Variants in MYO3B observed in about 807,000 individuals in gnomAD.
MYO3B encodes the protein myosin IIIB.
A neutral mutation model predicts 174.6 loss-of-function variants in MYO3B; 156 were observed. The observed-to-expected ratio is 0.89, with a 90% CI of 0.78 to 1.02. MYO3B has a LOEUF of 1.02. Ranked by LOEUF, MYO3B falls within the 50% of genes least tolerant of loss-of-function variation. The probability of loss-of-function intolerance (pLI) is 0.00; values close to 1 mark genes in which losing one functional copy is unlikely to be tolerated. For synonymous variants in MYO3B, 563 were observed against 569.1 expected (o/e 0.99, Z 0.15); for missense variants, 1,632 against 1,639.4 (o/e 1.00, Z 0.08).
chr2:170,612,817 C>T (rs1695204739), intron 32 of MYO3B, among the ~76,000 whole-genome samples: 1 of 152,172 alleles, frequency 6.6e-6, no homozygotes, highest in African/African-American at 2.4e-5. Flanking sequence ...TCAGGACAAG[C>T]AACCTTACTG....
chr2:170,332,102 G>C (rs1349031243), intron 7 of MYO3B: 1 of 152,154 alleles, frequency 6.6e-6, no homozygotes. Flanking sequence ...CCATTATTCT[G>C]CCTGCTTTAA....
intron 32 of MYO3B, among the ~76,000 whole-genome samples, chr2:170,564,977 C>T (rs1691970577): frequency 6.6e-6 from 1 of 152,008 alleles, no homozygotes; most frequent in Non-Finnish European, 1.5e-5. Flanking sequence ...ATTCTCTATT[C>T]TTTTGCTGCC....
At chr2:170,274,827 A>G (rs965906973) in intron 7 of MYO3B, among the ~76,000 whole-genome samples, 1 of 152,112 alleles carries the variant, frequency 6.6e-6, no homozygotes, top group Non-Finnish European at 1.5e-5. Flanking sequence ...GTAAAATAAT[A>G]TTTTCTCTAC....
intron 32 of MYO3B, among the ~76,000 whole-genome samples, chr2:170,608,300 A>T (rs1694936817): frequency 6.6e-6 from 1 of 152,218 alleles, no homozygotes; most frequent in Admixed American, 6.5e-5. Flanking sequence ...TTCTCTTTCT[A>T]CAAGATACAG....
At chr2:170,528,740 C>T (rs568864085) in intron 30 of MYO3B, among the ~76,000 whole-genome samples, 10 of 152,248 alleles carry the variant, frequency 6.6e-5, no homozygotes, top group African/African-American at 9.6e-5. Flanking sequence ...ATGCATCAGA[C>T]GACGATGGAC....
intron 8 of MYO3B, among the ~76,000 whole-genome samples, chr2:170,343,226 G>A (rs1403752351): frequency 6.6e-6 from 1 of 152,064 alleles, no homozygotes; most frequent in Non-Finnish European, 1.5e-5. Context: ...GATCACTTGA[G>A]ACCAGGAGTT....
chr2:170,378,726 G>A (rs1302442022), intron 9 of MYO3B, among the ~76,000 whole-genome samples: 6 of 152,136 alleles, frequency 3.9e-5, no homozygotes, highest in African/African-American at 1.4e-4. Flanking sequence ...CTACTAGACT[G>A]CATCTATTTG....
At chr2:170,211,540 A>C (rs1297881237) in intron 3 of MYO3B, among the ~76,000 whole-genome samples, 1 of 152,206 alleles carries the variant, frequency 6.6e-6, no homozygotes, top group Non-Finnish European at 1.5e-5. Flanking sequence ...AGGGTAAGCA[A>C]TTCTTACAAA....
chr2:170,266,372 C>T (rs1480393854), intron 7 of MYO3B, among the ~76,000 whole-genome samples: 2 of 152,212 alleles, frequency 1.3e-5, no homozygotes, highest in East Asian at 3.9e-4. Context: ...CTAAGTTAAA[C>T]AAATGCATTT....
chr2:170,459,631 ACTC>A (rs1486826640), intron 23 of MYO3B, among the ~76,000 whole-genome samples: 1 of 152,052 alleles, frequency 6.6e-6, no homozygotes, highest in South Asian at 2.1e-4. Flanking sequence ...ACACTCCTGC[ACTC>A]CTCAGCCCTT....
At chr2:170,353,184 G>A (rs936492097) in intron 8 of MYO3B, among the ~76,000 whole-genome samples, 2 of 152,154 alleles carry the variant, frequency 1.3e-5, no homozygotes, top group African/African-American at 4.8e-5. Context: ...GAATGGATGA[G>A]TAAACTCTGG....
intron 7 of MYO3B, among the ~76,000 whole-genome samples, chr2:170,285,318 G>T (rs2093546813): frequency 6.6e-6 from 1 of 151,744 alleles, no homozygotes; most frequent in Non-Finnish European, 1.5e-5. Context: ...ATATATTCAG[G>T]ATACTAACAT....
chr2:170,469,960 G>A (rs1194976454), intron 25 of MYO3B, among the ~76,000 whole-genome samples: 1 of 150,182 alleles, frequency 6.7e-6, no homozygotes, highest in Non-Finnish European at 1.5e-5. Context: ...AAATTAGCTG[G>A]GTGTGTTGGT....
chr2:170,364,682 G>T (rs2094185477), intron 8 of MYO3B, among the ~76,000 whole-genome samples: 2 of 152,142 alleles, frequency 1.3e-5, no homozygotes. Flanking sequence ...TTTATAAAAG[G>T]ACATGGAGGC....
chr2:170,230,586 A>G (rs1201654238), intron 6 of MYO3B, among the ~76,000 whole-genome samples: 3 of 151,966 alleles, frequency 2.0e-5, no homozygotes, highest in Admixed American at 2.0e-4. Flanking sequence ...ATGCCCTTGA[A>G]AATTAAGGCA....
chr2:170,546,027 T>C (rs1402268815), intron 32 of MYO3B, among the ~76,000 whole-genome samples: 1 of 152,226 alleles, frequency 6.6e-6, no homozygotes, highest in Non-Finnish European at 1.5e-5. Flanking sequence ...TTTCATTCTG[T>C]GCTTCAGAAT....
rs1438633936 is a variant in MYO3B at position 170,236,059 on chromosome 2, C to CA, written c.673dup (p.Thr225AsnfsTer4). ...GCTGTGACGTCTGGTCCTTGGGGAT[C>CA]ACAGCTATTGAACTGGGGGATGGAG... is the stretch of plus-strand genomic sequence containing the variant. On this transcript the variant is annotated frameshift_variant, in exon 7 of 35. Transcript: ENST00000408978. LOFTEE classifies it high-confidence loss of function. 1 of 1,613,984 alleles carries CA rather than the reference C, an allele frequency of 6.2e-7. No homozygotes were observed. The highest frequency in any genetic ancestry group is 8.5e-7 in the Non-Finnish European group (1 of 1,180,000).
intron 32 of MYO3B, among the ~76,000 whole-genome samples, chr2:170,632,598 C>G (rs1697101494): frequency 1.3e-5 from 2 of 151,998 alleles, no homozygotes; most frequent in Admixed American, 1.3e-4. Flanking sequence ...CAAACACATT[C>G]AAAAGCTAGC....
At chr2:170,353,783 C>A (rs2094097288) in intron 8 of MYO3B, among the ~76,000 whole-genome samples, 1 of 152,168 alleles carries the variant, frequency 6.6e-6, no homozygotes, top group African/African-American at 2.4e-5. Context: ...TAACTGAAAT[C>A]ATAAGGGAAT....
Sources: allele counts gnomAD v4.1 joint callset (sites outside exome capture counted in the v4.1 genomes callset), GRCh38; gene constraint gnomAD v4.1.1; transcripts MANE v1.5; gene names NCBI Gene and HGNC (gene_info 2026-07-23, HGNC 2026-07-21).